BICC1: variants seen among roughly 807,000 people sequenced by gnomAD.
BICC1 encodes the protein protein bicaudal C homolog 1.
Under a neutral mutation model 111.0 loss-of-function variants are expected in BICC1, and 43 were observed. That is an observed-to-expected ratio of 0.39 (90% CI 0.30 to 0.50). The LOEUF is 0.50. Ranked by LOEUF, BICC1 falls within the 20% of genes least tolerant of loss-of-function variation. BICC1 has a pLI of 0.88. For synonymous variants in BICC1, 467 were observed against 434.4 expected (o/e 1.07, Z -0.93); for missense variants, 1,091 against 1,203.2 (o/e 0.91, Z 1.38).
intron 3 of BICC1, among the ~76,000 whole-genome samples, chr10:58,721,084 A>G (rs1564574067): frequency 6.6e-6 from 1 of 152,204 alleles, no homozygotes; most frequent in Non-Finnish European, 1.5e-5. Flanking sequence ...TCGAAGTATA[A>G]CCTTTACTCA....
intron 1 of BICC1, among the ~76,000 whole-genome samples, chr10:58,588,118 A>C (rs1006163574): frequency 6.6e-6 from 1 of 152,244 alleles, no homozygotes; most frequent in Non-Finnish European, 1.5e-5. Flanking sequence ...AAACTTGCTG[A>C]AATTGAAGAA....
At chr10:58,816,366 T>A (rs1380611531) in intron 18 of BICC1, among the ~76,000 whole-genome samples, 1 of 152,188 alleles carries the variant, frequency 6.6e-6, no homozygotes, top group East Asian at 1.9e-4. Context: ...TCTTGGGGTT[T>A]GGTTTTGGGT....
chr10:58,718,622 A>C (rs1840824900), intron 3 of BICC1, among the ~76,000 whole-genome samples: 2 of 152,188 alleles, frequency 1.3e-5, no homozygotes, highest in Non-Finnish European at 2.9e-5. Flanking sequence ...AATTGACCTT[A>C]AATACTAATA....
chr10:58,533,663 C>A (rs1564474915), intron 1 of BICC1, among the ~76,000 whole-genome samples: 1 of 151,652 alleles, frequency 6.6e-6, no homozygotes, highest in South Asian at 2.1e-4. Flanking sequence ...TACCATTATG[C>A]CTGCCTTATA....
At chr10:58,626,683 A>C (rs939379640) in intron 2 of BICC1, among the ~76,000 whole-genome samples, 1 of 152,178 alleles carries the variant, frequency 6.6e-6, no homozygotes, top group Non-Finnish European at 1.5e-5. Flanking sequence ...TTCGAGTTGC[A>C]TTGTAATGGT....
chr10:58,789,266 T>G lies in BICC1; in HGVS notation c.605T>G (p.Leu202Arg), dbSNP rs1413159566. The G allele has an allele frequency of 1.9e-6, 3 of 1,612,806 alleles. No individual in the cohort carries two copies. Among genetic ancestry groups the G allele is most frequent in the Non-Finnish European group, 1.7e-6 (2 of 1,179,338 alleles). The part of the protein sequence containing the change: ...VESARVRIRE[L>R]LPLVLMFELP... ...ATTCTCATCATTTCATTTTAGGAGC[T>G]GCTTCCTTTGGTGCTGATGTTTGAG... is the stretch of plus-strand genomic sequence containing the variant. The change falls in exon 7 of 21, where the codon CTG (leucine) becomes CGG (arginine). Residue 202 changes from leucine (L) to arginine (R), a missense_variant. Physicochemically the swap from Leu to Arg is moderately radical, Grantham distance 102 (BLOSUM62 -2). Transcript: ENST00000373886.
At chr10:58,644,401 A>C (rs1325634088) in intron 2 of BICC1, among the ~76,000 whole-genome samples, 1 of 152,218 alleles carries the variant, frequency 6.6e-6, no homozygotes, top group Non-Finnish European at 1.5e-5. Context: ...TTGTGTAAGG[A>C]AGACAGTTTA....
intron 3 of BICC1, among the ~76,000 whole-genome samples, chr10:58,715,250 T>A (rs777864922): frequency 2.0e-5 from 3 of 152,184 alleles, no homozygotes; most frequent in Admixed American, 2.0e-4. Flanking sequence ...AGGAGTTACA[T>A]TCCCTTTATA....
At chr10:58,715,637 A>G in intron 3 of BICC1, 1 of 1,605,820 alleles carries the variant, frequency 6.2e-7, no homozygotes, top group South Asian at 1.1e-5. Context: ...CTTCAGGGCC[A>G]ACAATACAGG....
At chr10:58,594,889 G>T (rs56387347) in intron 1 of BICC1, among the ~76,000 whole-genome samples, 37,223 of 151,852 alleles carry the variant, frequency 0.25, 5,109 homozygotes, top group East Asian at 0.46. Context: ...TAACCTAAAT[G>T]TAGGCTAAAT....
chr10:58,522,587 C>A (rs1630150), intron 1 of BICC1, among the ~76,000 whole-genome samples: 81,497 of 151,342 alleles, frequency 0.54, 22,938 homozygotes, highest in African/African-American at 0.71. Flanking sequence ...GGACTAAATG[C>A]CCACAAGAGA....
At chr10:58,668,022 A>T (rs981478606) in intron 2 of BICC1, among the ~76,000 whole-genome samples, 5 of 152,088 alleles carry the variant, frequency 3.3e-5, no homozygotes, top group Admixed American at 6.6e-5. Context: ...TAAATTTTTT[A>T]AAAAACATAA....
chr10:58,742,087 T>A (rs1282312530), intron 3 of BICC1, among the ~76,000 whole-genome samples: 2 of 152,212 alleles, frequency 1.3e-5, no homozygotes, highest in Non-Finnish European at 2.9e-5. Context: ...CATTAAAGTT[T>A]GGATGTTCAA....
chr10:58,614,944 A>G (rs1845550790), intron 1 of BICC1, among the ~76,000 whole-genome samples: 1 of 151,946 alleles, frequency 6.6e-6, no homozygotes, highest in Admixed American at 6.6e-5. Flanking sequence ...CCTCAATGTG[A>G]CTAGATATTT....
Position 58,831,053 on chromosome 10 carries a change from A to AAAG in BICC1, c.*2163_*2165dup, listed in dbSNP as rs1198065449. The AAAG allele has an allele frequency of 1.3e-5, 2 of 152,204 alleles. No homozygotes were observed. Among genetic ancestry groups the AAAG allele is most frequent in the African/African-American group, 4.8e-5 (2 of 41,454 alleles). The allele number at this position is 152,204 out of a possible 1,614,324, so 9.4% of individuals were successfully genotyped here. On this transcript the variant is annotated 3_prime_UTR_variant, in exon 21 of 21. Transcript: ENST00000373886. ...TTTATGAACAGTGCTTTGATATGCC[A>AAAG]AAGGGAAAACTGTCCCACTTAAATT...
intron 2 of BICC1, among the ~76,000 whole-genome samples, chr10:58,635,731 CA>C (rs1310467231): frequency 2.0e-4 from 31 of 152,178 alleles, no homozygotes; most frequent in African/African-American, 7.2e-5. Flanking sequence ...CATTGCCCCT[CA>C]ACTCAAGCCT....
chr10:58,761,640 A>T (rs1842319285), intron 3 of BICC1, among the ~76,000 whole-genome samples: 2 of 152,196 alleles, frequency 1.3e-5, no homozygotes, highest in South Asian at 4.1e-4. Context: ...TTGAGAATGG[A>T]TGACAAACAG....
chr10:58,659,882 A>C (rs906139702), intron 2 of BICC1, among the ~76,000 whole-genome samples: 10 of 152,168 alleles, frequency 6.6e-5, no homozygotes, highest in African/African-American at 2.4e-4. Context: ...TATAGCAACA[A>C]AGTAACAGTA....
At chr10:58,558,316 A>G (rs551815909) in intron 1 of BICC1, among the ~76,000 whole-genome samples, 2 of 152,174 alleles carry the variant, frequency 1.3e-5, no homozygotes, top group East Asian at 1.9e-4. Context: ...CCTCTTTGCT[A>G]TTCTGCCCTG....
Sources: allele counts gnomAD v4.1 joint callset (sites outside exome capture counted in the v4.1 genomes callset), GRCh38; gene constraint gnomAD v4.1.1; transcripts MANE v1.5; gene names NCBI Gene and HGNC (gene_info 2026-07-23, HGNC 2026-07-21).